The following FOXP1 variants were observed in gnomAD, a reference collection of about 807,000 sequenced individuals.
The protein encoded by FOXP1 is forkhead box P1.
FOXP1 carries 15 observed loss-of-function variants against 98.2 expected under a neutral mutation model. The ratio of observed to expected loss-of-function variants is 0.15; its 90% CI spans 0.10 to 0.24. The LOEUF (loss-of-function observed/expected upper bound fraction) is 0.24. Among genes scored for constraint, FOXP1 ranks in the 10% least tolerant of loss-of-function variants. The probability of loss-of-function intolerance (pLI) is 1.00; values close to 1 mark genes in which losing one functional copy is unlikely to be tolerated. For synonymous variants in FOXP1, 371 were observed against 314.5 expected, an observed-to-expected ratio of 1.18 and a Z score of -1.90; for missense variants, 633 against 848.5, an observed-to-expected ratio of 0.75 and a Z score of 3.15.
chr3:71,087,361 G>A (rs778843196), intron 7 of FOXP1, among the ~76,000 whole-genome samples: 1 of 152,150 alleles, frequency 6.6e-6, no homozygotes, highest in Admixed American at 6.6e-5. Context: ...ATCAAACAAC[G>A]ACAACAAAAT....
At chr3:70,969,872 G>C (rs2035824805) in intron 19 of FOXP1, 1 of 134,220 alleles carries the variant, frequency 7.5e-6, no homozygotes, top group Non-Finnish European at 1.7e-5. Context: ...AGTCTGGGTA[G>C]GGGCAAAAAC....
chr3:71,045,968 T>G (rs2048980557), intron 10 of FOXP1, among the ~76,000 whole-genome samples: 1 of 152,214 alleles, frequency 6.6e-6, no homozygotes, highest in South Asian at 2.1e-4. Flanking sequence ...TTCAAAGAAC[T>G]GCTGCCCTTG....
intron 10 of FOXP1, 86 bp downstream of exon 10, chr3:71,046,856 G>A (rs2049096474): frequency 6.3e-6 from 9 of 1,435,782 alleles, no homozygotes; most frequent in Non-Finnish European, 8.8e-6. Context: ...GATGGACAAT[G>A]TCCTTAACAA....
intron 4 of FOXP1, among the ~76,000 whole-genome samples, chr3:71,322,920 C>G (rs1364045397): frequency 1.3e-5 from 2 of 151,912 alleles, no homozygotes; most frequent in Admixed American, 6.6e-5. Context: ...TGCCAGAGCC[C>G]TTGCCCCAAA....
intron 5 of FOXP1, among the ~76,000 whole-genome samples, chr3:71,220,041 G>C (rs1018698420): frequency 2.0e-5 from 3 of 152,168 alleles, no homozygotes; most frequent in African/African-American, 4.8e-5. Context: ...CTCTAGCCAT[G>C]AAAGTTTTTG....
intron 6 of FOXP1, among the ~76,000 whole-genome samples, chr3:71,170,847 C>T (rs1018560042): frequency 2.0e-5 from 3 of 152,142 alleles, no homozygotes; most frequent in African/African-American, 4.8e-5. Flanking sequence ...TCCATGGGGC[C>T]GTCTCTTTCC....
intron 3 of FOXP1, among the ~76,000 whole-genome samples, chr3:71,413,509 C>T (rs987362177): frequency 1.3e-5 from 2 of 152,034 alleles, no homozygotes; most frequent in African/African-American, 4.8e-5. Flanking sequence ...AAACCTCCCC[C>T]CACCCTGCAA....
At chr3:71,471,208 T>C (rs1207294492) in intron 3 of FOXP1, among the ~76,000 whole-genome samples, 4 of 152,004 alleles carry the variant, frequency 2.6e-5, no homozygotes, top group African/African-American at 9.7e-5. Context: ...AGGGGAAAAG[T>C]TTACATTGAA....
chr3:71,336,487 G>A (rs939125841), intron 4 of FOXP1, among the ~76,000 whole-genome samples: 20 of 57,606 alleles, frequency 3.5e-4, no homozygotes, highest in African/African-American at 6.9e-4. Context: ...CCATGTGTTC[G>A]ATAAAAACAT....
chr3:71,002,206 C>G (rs758988827), intron 12 of FOXP1, among the ~76,000 whole-genome samples: 12 of 152,190 alleles, frequency 7.9e-5, no homozygotes, highest in Non-Finnish European at 1.5e-4. Flanking sequence ...GTTAATGCAT[C>G]CCCTCTTGTT....
intron 5 of FOXP1, among the ~76,000 whole-genome samples, chr3:71,200,206 C>T (rs1217883969): frequency 6.6e-6 from 1 of 151,744 alleles, no homozygotes; most frequent in South Asian, 2.1e-4. Flanking sequence ...GCACTTGGCT[C>T]AGAAAAGATG....
chr3:71,509,568 A>G (rs777291981), intron 2 of FOXP1, among the ~76,000 whole-genome samples: 2 of 152,128 alleles, frequency 1.3e-5, no homozygotes, highest in Non-Finnish European at 2.9e-5. Context: ...GGAGGACATA[A>G]TTCAACCCAC....
intron 6 of FOXP1, among the ~76,000 whole-genome samples, chr3:71,150,463 C>A (rs901322565): frequency 1.1e-4 from 17 of 152,098 alleles, no homozygotes; most frequent in Admixed American, 2.6e-4. Context: ...AGATAAGTTT[C>A]AGACAGTCTG....
chr3:71,421,406 T>C (rs550483514), intron 3 of FOXP1, among the ~76,000 whole-genome samples: 78 of 152,358 alleles, frequency 5.1e-4, no homozygotes, highest in African/African-American at 1.8e-3. Context: ...ATGGTTTCAA[T>C]ATTTTTTCTG....
chr3:71,308,423 T>A (rs1285086117), intron 4 of FOXP1, among the ~76,000 whole-genome samples: 1 of 152,212 alleles, frequency 6.6e-6, no homozygotes, highest in East Asian at 1.9e-4. Flanking sequence ...CTGATTATCT[T>A]CTTATAATGT....
chr3:71,331,460 C>T (rs111458581), intron 4 of FOXP1, among the ~76,000 whole-genome samples: 1,878 of 147,010 alleles, frequency 0.013, 32 homozygotes, highest in Middle Eastern at 0.031. Flanking sequence ...TCCCATCGAC[C>T]GCCCAAGGGC....
intron 6 of FOXP1, among the ~76,000 whole-genome samples, chr3:71,127,521 C>T (rs374316926): frequency 2.0e-5 from 3 of 152,158 alleles, no homozygotes; most frequent in Non-Finnish European, 4.4e-5. Context: ...CCTCCCTCCC[C>T]CAACCATCAA....
At chr3:71,135,232 C>A (rs1242156773) in intron 6 of FOXP1, among the ~76,000 whole-genome samples, 1 of 146,552 alleles carries the variant, frequency 6.8e-6, no homozygotes, top group East Asian at 2.0e-4. Context: ...GCACTTCAGC[C>A]CGGCAACAGT....
intron 3 of FOXP1, among the ~76,000 whole-genome samples, chr3:71,447,643 T>C (rs1385021361): frequency 6.6e-6 from 1 of 152,118 alleles, no homozygotes; most frequent in African/African-American, 2.4e-5. Flanking sequence ...GCATGGTTCT[T>C]TAAAGGAAGC....
Sources: allele counts gnomAD v4.1 joint callset (sites outside exome capture counted in the v4.1 genomes callset), GRCh38; gene constraint gnomAD v4.1.1; transcripts MANE v1.5; gene names NCBI Gene and HGNC (gene_info 2026-07-23, HGNC 2026-07-21).